Variants in DMTN observed in about 807,000 individuals in gnomAD.
DMTN encodes dematin.
A neutral mutation model predicts 59.4 loss-of-function variants in DMTN; 27 were observed. The ratio of observed to expected loss-of-function variants is 0.45; its 90% CI spans 0.33 to 0.63. The LOEUF (loss-of-function observed/expected upper bound fraction) is 0.63. Ranked by LOEUF, DMTN falls within the 20% of genes least tolerant of loss-of-function variation. DMTN has a pLI of 0.02. For synonymous variants in DMTN, 221 were observed against 203.7 expected (o/e 1.08, Z -0.72); for missense variants, 451 against 528.9 (o/e 0.85, Z 1.45).
At chr8:22,050,315 G>A (rs571762796), upstream of DMTN, among the ~76,000 whole-genome samples, 1 of 152,244 alleles carries the variant, frequency 6.6e-6, no homozygotes, top group East Asian at 1.9e-4. Flanking sequence ...CTGGGGAGGA[G>A]GCTGGGAAGG....
intron 1 of DMTN, among the ~76,000 whole-genome samples, chr8:22,063,204 C>T (rs1372402115): frequency 6.6e-6 from 1 of 152,168 alleles, no homozygotes; most frequent in African/African-American, 2.4e-5. Flanking sequence ...CTTGCAGCCT[C>T]CTTCATGGGC....
intron 1 of DMTN, among the ~76,000 whole-genome samples, chr8:22,064,644 G>C (rs1809106559): frequency 6.6e-6 from 1 of 152,216 alleles, no homozygotes; most frequent in Non-Finnish European, 1.5e-5. Flanking sequence ...ATTTTTAGTA[G>C]AGACAGGGTT....
chr8:22,050,032 C>A (rs1447486902), upstream of DMTN, among the ~76,000 whole-genome samples: 1 of 152,206 alleles, frequency 6.6e-6, no homozygotes, highest in African/African-American at 2.4e-5. Flanking sequence ...GGGAGGTCCC[C>A]GGCCCTGGGA....
In DMTN at chr8:22,081,481, G is replaced by A. The variant is rs374940291; in HGVS notation, c.*18G>A. The A allele has an allele frequency of 3.0e-5, 48 of 1,609,062 alleles. No homozygotes were observed. The highest frequency in any genetic ancestry group is 8.8e-5 in the South Asian group (8 of 90,988). On this transcript the variant is annotated 3_prime_UTR_variant, in exon 16 of 16. Transcript: ENST00000358242. ...TCTTCTGATGGCCCCCACCTGCTCC[G>A]GGACGGCCCCCTTACCCCTGCTGCT...
intron 1 of DMTN, among the ~76,000 whole-genome samples, chr8:22,064,560 G>A (rs1398901934): frequency 6.6e-6 from 1 of 152,082 alleles, no homozygotes; most frequent in East Asian, 1.9e-4. Context: ...CTGGGTTCAT[G>A]CCATTCTCCT....
At chr8:22,050,206 C>A (rs1210365967), upstream of DMTN, among the ~76,000 whole-genome samples, 1 of 152,042 alleles carries the variant, frequency 6.6e-6, no homozygotes, top group Non-Finnish European at 1.5e-5. Flanking sequence ...TGATAACTGG[C>A]GAGTTCAATG....
At chr8:22,079,277 A>ATAT (rs1238511445) in intron 10 of DMTN, among the ~76,000 whole-genome samples, 4 of 27,672 alleles carry the variant, frequency 1.4e-4, no homozygotes, top group African/African-American at 4.8e-4. Context: ...TAAATAAATA[A>ATAT]ATATATATAT....
At chr8:22,072,588 TGCATAGCTGGGATTACAG>T (rs1051439104) in intron 9 of DMTN, 138 bp downstream of exon 9, 1 of 745,826 alleles carries the variant, frequency 1.3e-6, no homozygotes, top group African/African-American at 1.8e-5. Context: ...CTCAACCTCT[TGCATAGCTGGGATTACAG>T]GCACGCCACC....
At position 22,069,516 on chromosome 8, in the gene DMTN, C is replaced by T; in HGVS notation, c.392C>T (p.Pro131Leu). 1 of 1,591,748 alleles carries T rather than the reference C, an allele frequency of 6.3e-7. No individual in the cohort carries two copies. The highest frequency in any genetic ancestry group is 8.6e-7 in the Non-Finnish European group (1 of 1,169,262). Residue 131 changes from proline to leucine, a missense_variant and splice_region_variant, in exon 6 of 16, where the codon CCT (proline) becomes CTT (leucine). Transcript: ENST00000358242. The part of the protein sequence containing the change: ...PRTSLPHFHH[P>L]ETSRPDSNIY... ...ACCAGCCTGCCCCATTTCCACCACC[C>T]TGGTAGGTCTTCTCGGCACGACCTC... is the stretch of plus-strand genomic sequence containing the variant.
chr8:22,064,543 C>A (rs1385979563), intron 1 of DMTN, among the ~76,000 whole-genome samples: 1 of 152,096 alleles, frequency 6.6e-6, no homozygotes, highest in South Asian at 2.1e-4. Flanking sequence ...ACTGCAAGCT[C>A]CGCCTCCTGG....
chr8:22,080,091 C>A (rs2131567207), intron 10 of DMTN, 89 bp from the exon 11 acceptor site: 1 of 1,482,810 alleles, frequency 6.7e-7, no homozygotes, highest in Non-Finnish European at 9.4e-7. Flanking sequence ...CTGCCCTGCC[C>A]CAGCTGTGGA....
intron 6 of DMTN, 113 bp from the exon 7 acceptor site, chr8:22,069,768 T>C (rs1813773773): frequency 1.6e-6 from 2 of 1,283,264 alleles, no homozygotes; most frequent in South Asian, 2.5e-5. Context: ...TCTTGGCTCT[T>C]GACAGGGGCC....
At chr8:22,050,020 G>A (rs1801183655), upstream of DMTN, among the ~76,000 whole-genome samples, 1 of 152,212 alleles carries the variant, frequency 6.6e-6, no homozygotes, top group South Asian at 2.1e-4. Context: ...CGGCAGCCAA[G>A]AGGGAGGTCC....
At chr8:22,077,038 C>T (rs1820384903) in intron 10 of DMTN, among the ~76,000 whole-genome samples, 1 of 113,856 alleles carries the variant, frequency 8.8e-6, no homozygotes, top group African/African-American at 3.0e-5. Context: ...ATTGTGTGGG[C>T]TGTATGTCCA....
Position 22,067,799 on chromosome 8 carries a change from G to A in DMTN, c.249+117G>A, listed in dbSNP as rs114723226. 1,271 of 1,271,900 alleles carry A rather than the reference G, an allele frequency of 1.0e-3. 11 individuals are homozygous for A. The African/African-American group carries it at 0.017, about 17-fold the overall frequency. The allele number at this position is 1,271,900 out of a possible 1,614,324, so 78.8% of individuals were successfully genotyped here. On this transcript the variant is annotated intron_variant, in intron 4 of 15. Transcript: ENST00000358242. ...AGGTCTGCCTCGGCAAAACAAGAGA[G>A]GGAACTGTGCGCAGGAACCAACCAG...
upstream of DMTN, among the ~76,000 whole-genome samples, chr8:22,054,066 G>A (rs942799532): frequency 2.0e-5 from 3 of 150,218 alleles, no homozygotes; most frequent in Non-Finnish European, 4.4e-5. Flanking sequence ...TGGGTGAGAA[G>A]GGTCCCCTTG....
upstream of DMTN, among the ~76,000 whole-genome samples, chr8:22,055,266 G>A (rs75866568): frequency 0.03 from 4,584 of 152,106 alleles, 226 homozygotes; most frequent in African/African-American, 0.1. Flanking sequence ...TGGGGGAGGG[G>A]CAATACAGGG....
chr8:22,067,716 GA>G, intron 4 of DMTN, 34 bp downstream of exon 4: 1 of 1,607,380 alleles, frequency 6.2e-7, no homozygotes, highest in East Asian at 2.2e-5. Flanking sequence ...GACTCCGGGG[GA>G]GGCCCCCCCC....
chr8:22,064,352 G>A (rs935656531), intron 1 of DMTN, among the ~76,000 whole-genome samples: 1 of 152,204 alleles, frequency 6.6e-6, no homozygotes, highest in Admixed American at 6.5e-5. Flanking sequence ...TCTTCTTTTC[G>A]CTTAATTAAA....
Sources: gnomAD v4.1 joint callset for allele counts (sites outside exome capture counted in the v4.1 genomes callset) on GRCh38, gnomAD v4.1.1 for gene constraint, MANE v1.5 for transcripts, NCBI Gene and HGNC (gene_info 2026-07-23, HGNC 2026-07-21) for gene names.